Variants in SUSD1 observed in about 807,000 individuals in gnomAD.
SUSD1 encodes the protein sushi domain containing 1, also known as sushi domain-containing protein 1.
SUSD1 carries 65 observed loss-of-function variants against 86.9 expected under a neutral mutation model. The observed-to-expected ratio is 0.75, with a 90% CI of 0.61 to 0.92. The LOEUF is 0.92. Among genes scored for constraint, SUSD1 ranks in the 40% least tolerant of loss-of-function variants. The pLI, the probability that SUSD1 is intolerant of heterozygous loss-of-function variation, is 0.00. For missense variants in SUSD1, 850 were observed against 929.7 expected (o/e 0.91, Z 1.11); for synonymous variants, 346 against 350.0 (o/e 0.99, Z 0.13).
intron 8 of SUSD1, among the ~76,000 whole-genome samples, chr9:112,111,285 C>T (rs1489090152): frequency 6.6e-6 from 1 of 152,220 alleles, no homozygotes; most frequent in Admixed American, 6.5e-5. Context: ...TGAGCCACCA[C>T]ACCTGGCCAG....
chr9:112,093,752 A>G (rs983368409), intron 10 of SUSD1, among the ~76,000 whole-genome samples: 1 of 152,188 alleles, frequency 6.6e-6, no homozygotes, highest in African/African-American at 2.4e-5. Flanking sequence ...TAAAGATAAG[A>G]GCTGCCACAG....
At chr9:112,052,573 C>G (rs919707612) in intron 14 of SUSD1, 135 bp from the exon 15 acceptor site, 1 of 969,090 alleles carries the variant, frequency 1.0e-6, no homozygotes, top group Admixed American at 2.0e-5. Flanking sequence ...AAAGTCCAAT[C>G]TAGCTCTAAT....
In SUSD1 at chr9:112,149,266, G is replaced by A; in HGVS notation, c.351C>T (p.Pro117=). 1.2e-6 allele frequency: 2 copies of A among 1,614,120 alleles called. No homozygotes were observed. Among genetic ancestry groups the A allele is most frequent in the South Asian group, 1.1e-5 (1 of 91,078 alleles). ...TACCTGTACAAAAGGTGCCATCGTTGGGAATGAATGTCTTGTTGTTGTTTG... is the reference window on the plus strand; with the variant it reads ...TACCTGTACAAAAGGTGCCATCGTTAGGAATGAATGTCTTGTTGTTGTTTG... The part of the protein sequence containing the change: ...RATNNNKTFI[P]NDGTFCTDID... Residue 117 remains proline, a synonymous_variant, in exon 3 of 17, where the codon CCC becomes CCT. Coordinates refer to ENST00000374270, the MANE Select transcript of SUSD1 (RefSeq NM_022486.5).
At chr9:112,139,662 G>T (rs1052018320) in intron 5 of SUSD1, among the ~76,000 whole-genome samples, 5 of 151,550 alleles carry the variant, frequency 3.3e-5, no homozygotes, top group African/African-American at 1.2e-4. Context: ...CTCCCAGAGT[G>T]CTGGAATTAC....
At chr9:112,049,576 T>C (rs1259311353) in intron 15 of SUSD1, among the ~76,000 whole-genome samples, 2 of 152,344 alleles carry the variant, frequency 1.3e-5, no homozygotes, top group Admixed American at 6.5e-5. Context: ...ATAGCATAAT[T>C]TGTCACTGGG....
intron 9 of SUSD1, 60 bp from the exon 10 acceptor site, chr9:112,098,722 G>C: frequency 6.7e-7 from 1 of 1,497,760 alleles, no homozygotes; most frequent in Non-Finnish European, 9.2e-7. Context: ...CAGGTGCCTA[G>C]ACTATTAGCA....
intron 1 of SUSD1, among the ~76,000 whole-genome samples, chr9:112,158,539 A>G (rs2131824988): frequency 6.6e-6 from 1 of 152,056 alleles, no homozygotes; most frequent in South Asian, 2.1e-4. Flanking sequence ...CTACAGGCGC[A>G]CACCACCACA....
intron 12 of SUSD1, among the ~76,000 whole-genome samples, chr9:112,076,966 G>A (rs777857086): frequency 1.4e-4 from 22 of 152,216 alleles, no homozygotes; most frequent in Non-Finnish European, 1.6e-4. Context: ...CACGTGGGAT[G>A]AGTGAAAGTG....
At chr9:112,165,380 G>T (rs1833738943) in intron 1 of SUSD1, among the ~76,000 whole-genome samples, 1 of 146,464 alleles carries the variant, frequency 6.8e-6, no homozygotes, top group Admixed American at 6.8e-5. Context: ...TTGTGGTGTT[G>T]TGCTATCAAA....
chr9:112,155,121 C>G (rs1411547398), intron 2 of SUSD1, among the ~76,000 whole-genome samples: 1 of 151,836 alleles, frequency 6.6e-6, no homozygotes, highest in Non-Finnish European at 1.5e-5. Flanking sequence ...CGTGGTGGTG[C>G]CCGCCTGTAA....
chr9:112,130,273 T>C (rs1247639664), intron 5 of SUSD1, among the ~76,000 whole-genome samples: 3 of 151,992 alleles, frequency 2.0e-5, no homozygotes, highest in Non-Finnish European at 4.4e-5. Context: ...CCTGGTAGGT[T>C]GAGGCAGGAG....
At position 112,142,400 on chromosome 9, in the gene SUSD1, C is replaced by A; in HGVS notation, c.626G>T (p.Gly209Val). ...GSQVRYACRE[G>V]FFSVPEDTVS... is the part of the protein sequence containing the mutation. Reference sequence around the variant, plus strand: ...TGTATCTTCTGGAACACTGAAGAATCCTTCTCTGCAAGCATAACGAACCTG... The same window carrying A: ...TGTATCTTCTGGAACACTGAAGAATACTTCTCTGCAAGCATAACGAACCTG... Residue 209 changes from glycine to valine, a missense_variant, in exon 5 of 17, where the codon GGA (glycine) becomes GTA (valine). Transcript: ENST00000374270. 1 of 1,614,064 alleles carries A rather than the reference C, an allele frequency of 6.2e-7. No homozygotes were observed. Among genetic ancestry groups the A allele is most frequent in the Non-Finnish European group, 8.5e-7 (1 of 1,180,008 alleles).
At chr9:112,055,280 G>T (rs531271303) in intron 14 of SUSD1, among the ~76,000 whole-genome samples, 2 of 152,266 alleles carry the variant, frequency 1.3e-5, no homozygotes, top group Non-Finnish European at 2.9e-5. Flanking sequence ...GGAAAAATTA[G>T]TCGGGTGTGA....
intron 1 of SUSD1, among the ~76,000 whole-genome samples, chr9:112,170,524 C>T (rs928830897): frequency 1.2e-4 from 18 of 152,044 alleles, no homozygotes; most frequent in Non-Finnish European, 2.4e-4. Context: ...CACCAACACC[C>T]TCCTGCCATA....
At chr9:112,076,711 G>A (rs1232942647) in intron 12 of SUSD1, among the ~76,000 whole-genome samples, 1 of 152,150 alleles carries the variant, frequency 6.6e-6, no homozygotes, top group Non-Finnish European at 1.5e-5. Context: ...CACCTAAGCA[G>A]AAAGGGTAGA....
At position 112,041,378 on chromosome 9, in the gene SUSD1, G is replaced by A. The variant is rs540282935; in HGVS notation, c.*114C>T. 2.9e-5 allele frequency: 22 copies of A among 763,988 alleles called. No homozygotes were observed. In the Middle Eastern group the frequency reaches 2.1e-3, roughly 73 times the overall value. The allele number at this position is 763,988 out of a possible 1,614,324, so 47.3% of individuals were successfully genotyped here. ...CAGCTGGGAATGGAGAAAGTTGCAG[G>A]CCCACATGCTCCCTGGACGGAAGTC... On this transcript the variant is annotated 3_prime_UTR_variant, in exon 17 of 17. Coordinates refer to ENST00000374270, the MANE Select transcript of SUSD1 (RefSeq NM_022486.5).
chr9:112,155,990 AAGAG>A (rs886947066), intron 2 of SUSD1, among the ~76,000 whole-genome samples: 5 of 150,560 alleles, frequency 3.3e-5, no homozygotes, highest in Non-Finnish European at 5.9e-5. Context: ...GAAAGAAAGA[AAGAG>A]AGAAAGAAAG....
chr9:112,124,189 T>C, intron 6 of SUSD1, 68 bp downstream of exon 6: 1 of 1,501,624 alleles, frequency 6.7e-7, no homozygotes, highest in Non-Finnish European at 9.0e-7. Flanking sequence ...AATCAGATAG[T>C]TTTAGGCCCT....
At chr9:112,099,994 T>A (rs568685631) in intron 9 of SUSD1, among the ~76,000 whole-genome samples, 2 of 152,348 alleles carry the variant, frequency 1.3e-5, no homozygotes, top group East Asian at 3.9e-4. Flanking sequence ...TAGACTATGC[T>A]ATCGTCAGAG....
Sources: allele counts gnomAD v4.1 joint callset (sites outside exome capture counted in the v4.1 genomes callset), GRCh38; gene constraint gnomAD v4.1.1; transcripts MANE v1.5; gene names NCBI Gene and HGNC (gene_info 2026-07-23, HGNC 2026-07-21).